Variants in PCCA observed in about 807,000 individuals in gnomAD.
PCCA encodes propionyl-CoA carboxylase alpha chain, mitochondrial.
In PCCA, 74 loss-of-function variants were observed where a neutral mutation model predicts 101.3. The observed-to-expected ratio is 0.73, with a 90% CI of 0.61 to 0.89. The LOEUF (loss-of-function observed/expected upper bound fraction) is 0.89. PCCA is among the 40% of genes least tolerant of loss of function. The pLI, the probability that PCCA is intolerant of heterozygous loss-of-function variation, is 0.00. For missense variants in PCCA, 891 were observed against 907.0 expected (o/e 0.98, Z 0.23); for synonymous variants, 294 against 313.6 (o/e 0.94, Z 0.66).
At chr13:100,100,753 A>G (rs2047197765) in intron 1 of PCCA, among the ~76,000 whole-genome samples, 1 of 151,474 alleles carries the variant, frequency 6.6e-6, no homozygotes, top group Non-Finnish European at 1.5e-5. Context: ...TTGTTCTGTT[A>G]TAGTTGTGTT....
chr13:100,384,525 A>G (rs2076398942), intron 19 of PCCA, among the ~76,000 whole-genome samples: 1 of 152,222 alleles, frequency 6.6e-6, no homozygotes. Context: ...AATCTCTTTT[A>G]TTCTATGAAT....
At chr13:100,342,656 C>G (rs74442870) in intron 18 of PCCA, among the ~76,000 whole-genome samples, 2,695 of 151,834 alleles carry the variant, frequency 0.018, 104 homozygotes, top group African/African-American at 0.062. Context: ...CTCCCTGCCT[C>G]CTTTTGCTTG....
chr13:100,383,805 CAAAG>C (rs1162575252), intron 19 of PCCA, among the ~76,000 whole-genome samples: 1 of 151,982 alleles, frequency 6.6e-6, no homozygotes, highest in Non-Finnish European at 1.5e-5. Context: ...TTTTTCTCCT[CAAAG>C]AAAGAATATG....
At chr13:100,384,934 A>G (rs1328618105) in intron 19 of PCCA, among the ~76,000 whole-genome samples, 2 of 152,122 alleles carry the variant, frequency 1.3e-5, no homozygotes, top group Non-Finnish European at 2.9e-5. Flanking sequence ...ATGACAAATG[A>G]TAGAAAATTG....
intron 19 of PCCA, among the ~76,000 whole-genome samples, chr13:100,391,056 C>T (rs547900293): frequency 2.7e-4 from 41 of 151,572 alleles, no homozygotes; most frequent in South Asian, 8.3e-4. Context: ...CTTGCTCTGT[C>T]ACCCAGGCTG....
At chr13:100,445,054 G>A (rs1566321995) in intron 20 of PCCA, among the ~76,000 whole-genome samples, 2 of 152,166 alleles carry the variant, frequency 1.3e-5, no homozygotes, top group African/African-American at 4.8e-5. Context: ...GAGGACCTCA[G>A]GCTGCTTTTA....
intron 11 of PCCA, among the ~76,000 whole-genome samples, chr13:100,272,211 G>A (rs1297871028): frequency 1.3e-5 from 2 of 152,098 alleles, no homozygotes; most frequent in African/African-American, 4.8e-5. Context: ...GCTGATTCTT[G>A]TTATTTGTGG....
intron 10 of PCCA, among the ~76,000 whole-genome samples, chr13:100,267,879 A>G (rs2063050395): frequency 6.6e-6 from 1 of 152,214 alleles, no homozygotes; most frequent in African/African-American, 2.4e-5. Context: ...ATTTAAATGT[A>G]GCTGGATATC....
chr13:100,513,719 G>A (rs2086637368), intron 21 of PCCA, among the ~76,000 whole-genome samples: 1 of 152,206 alleles, frequency 6.6e-6, no homozygotes, highest in African/African-American at 2.4e-5. Flanking sequence ...TTCATATTTT[G>A]AAGTCGAATT....
intron 10 of PCCA, among the ~76,000 whole-genome samples, chr13:100,264,219 A>T (rs35132430): frequency 2.3e-5 from 2 of 85,656 alleles, no homozygotes; most frequent in African/African-American, 8.5e-5. Flanking sequence ...TCTGTATCTC[A>T]TATATATGTG....
chr13:100,164,337 T>C (rs1383148208), intron 6 of PCCA, among the ~76,000 whole-genome samples: 1 of 152,188 alleles, frequency 6.6e-6, no homozygotes, highest in Non-Finnish European at 1.5e-5. Flanking sequence ...TTGAAAAGCT[T>C]TGGGAGCTGG....
chr13:100,386,714 C>T (rs900860819), intron 19 of PCCA, among the ~76,000 whole-genome samples: 7 of 152,268 alleles, frequency 4.6e-5, no homozygotes, highest in Non-Finnish European at 7.4e-5. Context: ...CAGAGGCAAA[C>T]GACATTCATT....
intron 5 of PCCA, among the ~76,000 whole-genome samples, chr13:100,155,776 C>G (rs931558356): frequency 2.0e-5 from 3 of 152,154 alleles, no homozygotes; most frequent in Non-Finnish European, 2.9e-5. Context: ...CCAACACCAG[C>G]AATTAAGCCT....
chr13:100,524,019 G>A (rs937878175), intron 22 of PCCA, among the ~76,000 whole-genome samples: 10 of 152,330 alleles, frequency 6.6e-5, no homozygotes, highest in South Asian at 2.1e-4. Context: ...TGGGCAATCC[G>A]GAAGGTGTTG....
chr13:100,323,533 G>T lies in PCCA; in HGVS notation c.1430-7028G>T, dbSNP rs561473341. Among the ~76,000 whole-genome samples, 97 of 152,132 alleles carry T rather than the reference G, an allele frequency of 6.4e-4. 1 individual carries two copies. The highest frequency in any genetic ancestry group is 2.1e-3 in the African/African-American group (89 of 41,496). On this transcript the variant is annotated intron_variant, in intron 16 of 23. Coordinates refer to ENST00000376285, the MANE Select transcript of PCCA (RefSeq NM_000282.4). ...GGGTTTCACCATGTTGGCCAGGCTGGTCTCGAATTGCTGACCTTGTGATCC... is the reference window on the plus strand; with the variant it reads ...GGGTTTCACCATGTTGGCCAGGCTGTTCTCGAATTGCTGACCTTGTGATCC...
chr13:100,380,609 T>G (rs2076171126), intron 19 of PCCA, among the ~76,000 whole-genome samples: 1 of 152,186 alleles, frequency 6.6e-6, no homozygotes, highest in Non-Finnish European at 1.5e-5. Flanking sequence ...CAACAAATGG[T>G]GTCGAAACAC....
At chr13:100,480,146 A>T (rs2083772488) in intron 21 of PCCA, 1 of 133,446 alleles carries the variant, frequency 7.5e-6, no homozygotes, top group South Asian at 2.4e-4. Context: ...ACCAGACTAG[A>T]TGAGGCAGAG....
intron 12 of PCCA, among the ~76,000 whole-genome samples, chr13:100,280,923 A>G (rs531543438): frequency 5.3e-5 from 8 of 152,154 alleles, no homozygotes; most frequent in Middle Eastern, 3.4e-3. Flanking sequence ...CCTCACTGCA[A>G]TGAGACATGA....
rs561426998 is a variant in PCCA, at chr13:100,452,347, A to G, written c.1899+3042A>G. Among the ~76,000 whole-genome samples the G allele has an allele frequency of 4.0e-5, 6 of 151,808 alleles. No individual in the cohort carries two copies. In the South Asian group the frequency reaches 1.3e-3, roughly 32 times the overall value. ...TGGAGGATGGCAGTAGCTGGCGTCC[A>G]CCTCACTGCCATGCTACTCCCTAGT... On this transcript the variant is annotated intron_variant, in intron 21 of 23. Coordinates refer to ENST00000376285, the MANE Select transcript of PCCA (RefSeq NM_000282.4).
Sources: gnomAD v4.1 joint callset for allele counts (sites outside exome capture counted in the v4.1 genomes callset) on GRCh38, gnomAD v4.1.1 for gene constraint, MANE v1.5 for transcripts, NCBI Gene and HGNC (gene_info 2026-07-23, HGNC 2026-07-21) for gene names.